Variants in FHIT observed in about 807,000 individuals in gnomAD.
FHIT encodes fragile histidine triad diadenosine triphosphatase, also known as bis(5'-adenosyl)-triphosphatase.
In FHIT, 19 loss-of-function variants were observed where a neutral mutation model predicts 17.9. That is an observed-to-expected ratio of 1.06 (90% CI 0.74 to 1.56). The LOEUF is 1.56. FHIT is among the 40% of genes most tolerant of loss of function. The pLI, the probability that FHIT is intolerant of heterozygous loss-of-function variation, is 0.00. For missense variants in FHIT, 248 were observed against 189.2 expected, an observed-to-expected ratio of 1.31 and a Z score of -1.82; for synonymous variants, 81 against 69.7, an observed-to-expected ratio of 1.16 and a Z score of -0.81.
intron 1 of FHIT, among the ~76,000 whole-genome samples, chr3:61,233,869 A>G (rs191611694): frequency 6.6e-6 from 1 of 152,282 alleles, no homozygotes; most frequent in African/African-American, 2.4e-5. Context: ...GAACTGCAAG[A>G]TACACTCTCC....
intron 7 of FHIT, among the ~76,000 whole-genome samples, chr3:59,978,300 T>A (rs1484661912): frequency 6.6e-6 from 1 of 152,110 alleles, no homozygotes; most frequent in Non-Finnish European, 1.5e-5. Flanking sequence ...CATAAAGCCG[T>A]GCTGAGAGGG....
intron 5 of FHIT, among the ~76,000 whole-genome samples, chr3:60,407,341 T>A (rs1413296653): frequency 6.6e-6 from 1 of 152,034 alleles, no homozygotes; most frequent in Non-Finnish European, 1.5e-5. Flanking sequence ...GGGTTGCTAT[T>A]ACAGTTTCTT....
chr3:60,309,198 C>A (rs568856135), intron 5 of FHIT, among the ~76,000 whole-genome samples: 1 of 152,034 alleles, frequency 6.6e-6, no homozygotes, highest in African/African-American at 2.4e-5. Flanking sequence ...AGGTTTGGAA[C>A]CATTTATCTT....
chr3:60,000,427 T>C (rs752689741), intron 7 of FHIT, among the ~76,000 whole-genome samples: 2 of 152,216 alleles, frequency 1.3e-5, no homozygotes, highest in Non-Finnish European at 2.9e-5. Context: ...TAAAGTCAGA[T>C]ACATAATTAT....
chr3:60,282,647 G>A (rs1325286175), intron 5 of FHIT, among the ~76,000 whole-genome samples: 2 of 152,120 alleles, frequency 1.3e-5, no homozygotes, highest in African/African-American at 4.8e-5. Flanking sequence ...GGTATTAATA[G>A]TAGGAGACAC....
At chr3:60,530,522 G>C (rs952356966) in intron 5 of FHIT, among the ~76,000 whole-genome samples, 1 of 152,100 alleles carries the variant, frequency 6.6e-6, no homozygotes, top group African/African-American at 2.4e-5. Flanking sequence ...CTCGGCTCCA[G>C]AAACAAAAAA....
chr3:60,146,882 G>T (rs559572418), intron 5 of FHIT, among the ~76,000 whole-genome samples: 6 of 152,106 alleles, frequency 3.9e-5, no homozygotes, highest in African/African-American at 1.4e-4. Context: ...GTGTTTTGAA[G>T]AAAAATATGC....
At chr3:59,982,979 C>T (rs1255159671) in intron 7 of FHIT, among the ~76,000 whole-genome samples, 1 of 151,800 alleles carries the variant, frequency 6.6e-6, no homozygotes, top group African/African-American at 2.4e-5. Context: ...CATTCTGTTG[C>T]CCAGGCTGGA....
intron 5 of FHIT, among the ~76,000 whole-genome samples, chr3:60,042,402 G>C (rs1701477914): frequency 6.6e-6 from 1 of 152,166 alleles, no homozygotes; most frequent in African/African-American, 2.4e-5. Context: ...GCTTAGAAAA[G>C]AGACATGTAC....
intron 4 of FHIT, among the ~76,000 whole-genome samples, chr3:60,546,608 G>A (rs577125453): frequency 6.6e-6 from 1 of 152,058 alleles, no homozygotes; most frequent in African/African-American, 2.4e-5. Context: ...CCTTCTCACA[G>A]GCAGCTGTGG....
intron 5 of FHIT, among the ~76,000 whole-genome samples, chr3:60,521,920 C>G (rs1211121410): frequency 6.6e-6 from 1 of 152,078 alleles, no homozygotes. Context: ...GCCTTGTAAC[C>G]ATCATTTCCA....
chr3:59,944,830 A>G (rs1318331210), intron 7 of FHIT, among the ~76,000 whole-genome samples: 1 of 152,192 alleles, frequency 6.6e-6, no homozygotes, highest in Non-Finnish European at 1.5e-5. Context: ...CTTCAGCTCC[A>G]TAAATGTTGC....
Position 60,196,955 on chromosome 3 carries a change from ACC to A in FHIT, c.104-182805_104-182804del, listed in dbSNP as rs559757880. On this transcript the variant is annotated intron_variant, in intron 5 of 9. Coordinates refer to ENST00000492590, the MANE Select transcript of FHIT (RefSeq NM_002012.4). ...GGTAAGTACATACAGCCATGCAGAC[ACC>A]CCATGCATATAAACTCCATCCAACA... Among the ~76,000 whole-genome samples the A allele has an allele frequency of 3.9e-5, 6 of 152,234 alleles. No homozygotes were observed. In the South Asian group the frequency reaches 1.2e-3, roughly 32 times the overall value.
intron 2 of FHIT, among the ~76,000 whole-genome samples, chr3:61,078,093 G>C (rs1458842127): frequency 2.0e-5 from 3 of 152,148 alleles, no homozygotes; most frequent in Non-Finnish European, 4.4e-5. Context: ...CCAGCGGGCA[G>C]TTGCTGGGGA....
At chr3:60,162,770 T>C (rs1700996426) in intron 5 of FHIT, among the ~76,000 whole-genome samples, 1 of 152,206 alleles carries the variant, frequency 6.6e-6, no homozygotes, top group Non-Finnish European at 1.5e-5. Context: ...GCTATACTCC[T>C]ACCTATAAAC....
chr3:60,644,498 G>A (rs782789111), intron 4 of FHIT, among the ~76,000 whole-genome samples: 11 of 152,146 alleles, frequency 7.2e-5, no homozygotes, highest in Non-Finnish European at 1.3e-4. Context: ...GAGTTTTGTA[G>A]AGAGCATGTC....
chr3:60,342,891 A>T (rs1165380196), intron 5 of FHIT, among the ~76,000 whole-genome samples: 2 of 152,276 alleles, frequency 1.3e-5, no homozygotes, highest in East Asian at 3.9e-4. Context: ...CAACCTTCCC[A>T]AGGAATTTGT....
At chr3:60,108,175 T>A (rs1704509109) in intron 5 of FHIT, among the ~76,000 whole-genome samples, 1 of 152,218 alleles carries the variant, frequency 6.6e-6, no homozygotes, top group Non-Finnish European at 1.5e-5. Context: ...GCTAATTCAA[T>A]GTGTCCACTT....
At chr3:61,135,957 A>G (rs2106974519) in intron 2 of FHIT, among the ~76,000 whole-genome samples, 1 of 152,302 alleles carries the variant, frequency 6.6e-6, no homozygotes, top group Middle Eastern at 3.4e-3. Flanking sequence ...GGCAAATCTG[A>G]TTGAAAACTT....
Sources: gnomAD v4.1 joint callset for allele counts (sites outside exome capture counted in the v4.1 genomes callset) on GRCh38, gnomAD v4.1.1 for gene constraint, MANE v1.5 for transcripts, NCBI Gene and HGNC (gene_info 2026-07-23, HGNC 2026-07-21) for gene names.